The following BMP7 variants were observed in gnomAD, a reference collection of about 807,000 sequenced individuals.
BMP7 encodes the protein bone morphogenetic protein 7.
A neutral mutation model predicts 41.2 loss-of-function variants in BMP7; 12 were observed. The observed-to-expected ratio is 0.29, with a 90% confidence interval of 0.19 to 0.47. The LOEUF (loss-of-function observed/expected upper bound fraction) is 0.47, where lower values mean the gene tolerates loss of function less well. Ranked by LOEUF, BMP7 falls within the 20% of genes least tolerant of loss-of-function variation. The pLI is 0.99. For missense variants in BMP7, 467 were observed against 606.0 expected (o/e 0.77, Z 2.41); for synonymous variants, 248 against 250.0 (o/e 0.99, Z 0.07).
intron 2 of BMP7, among the ~76,000 whole-genome samples, chr20:57,211,245 T>C (rs2123099567): frequency 6.6e-6 from 1 of 152,224 alleles, no homozygotes; most frequent in African/African-American, 2.4e-5. Flanking sequence ...TACCACCTAT[T>C]ACATGGGGAT....
At chr20:57,172,894 T>C in intron 6 of BMP7, 2 of 594,704 alleles carry the variant, frequency 3.4e-6, no homozygotes, top group Non-Finnish European at 6.0e-6. Flanking sequence ...CCAGTGCTCT[T>C]AGGCACCGTA....
chr20:57,196,068 C>T (rs534183248), intron 3 of BMP7, among the ~76,000 whole-genome samples: 1 of 152,136 alleles, frequency 6.6e-6, no homozygotes, highest in Non-Finnish European at 1.5e-5. Context: ...ATTGACATGG[C>T]CCTCCTGAGT....
intron 3 of BMP7, among the ~76,000 whole-genome samples, chr20:57,190,329 G>A (rs968325970): frequency 2.6e-5 from 4 of 151,612 alleles, no homozygotes; most frequent in African/African-American, 7.3e-5. Flanking sequence ...TTGAAGGGGT[G>A]AGGCTGGAGA....
At chr20:57,211,254 A>C (rs978827481) in intron 2 of BMP7, among the ~76,000 whole-genome samples, 20 of 152,142 alleles carry the variant, frequency 1.3e-4, no homozygotes, top group Admixed American at 1.3e-3. Context: ...TTACATGGGG[A>C]TGGGGATTGT....
At chr20:57,202,067 G>A (rs149118685) in intron 3 of BMP7, among the ~76,000 whole-genome samples, 108 of 152,290 alleles carry the variant, frequency 7.1e-4, no homozygotes, top group African/African-American at 2.4e-3. Context: ...GTAAGAGACC[G>A]GGGACGCTGC....
intron 1 of BMP7, among the ~76,000 whole-genome samples, chr20:57,253,904 G>A (rs921043297): frequency 9.9e-5 from 15 of 151,600 alleles, no homozygotes; most frequent in Non-Finnish European, 4.4e-5. Flanking sequence ...CTGTGTAACT[G>A]TCAACTCGAC....
rs899156271 is a variant in BMP7, at chr20:57,256,683, A to G, written c.418+9022T>C. On this transcript the variant is annotated intron_variant, in intron 1 of 6. Transcript: ENST00000395863. ...TCAGGAGTTTGAGGCCAGCCTGGCC[A>G]ACATGGCGAAACCCCATTTCTACTA... Among the ~76,000 whole-genome samples, 10 of 152,356 alleles carry G rather than the reference A, an allele frequency of 6.6e-5. No homozygotes were observed. In the East Asian group the frequency reaches 1.7e-3, roughly 26 times the overall value.
At chr20:57,217,378 A>G (rs1985057866) in intron 2 of BMP7, among the ~76,000 whole-genome samples, 2 of 152,218 alleles carry the variant, frequency 1.3e-5, no homozygotes, top group South Asian at 4.1e-4. Flanking sequence ...AAAGGCTCTT[A>G]TAATCTCATT....
chr20:57,217,834 C>T (rs537656823), intron 2 of BMP7, among the ~76,000 whole-genome samples: 10 of 152,364 alleles, frequency 6.6e-5, no homozygotes, highest in African/African-American at 2.4e-4. Flanking sequence ...ATTATGAAAA[C>T]TGTACCCTAT....
At position 57,228,465 on chromosome 20, in the gene BMP7, G is replaced by T. The variant is rs780963483; in HGVS notation, c.419-44C>A. Reference sequence around the variant, plus strand: ...ACACACCAACACCGACAGCTCATTAGTGTCTGGGTTTCACTCTCTGGCTCT... The same window carrying T: ...ACACACCAACACCGACAGCTCATTATTGTCTGGGTTTCACTCTCTGGCTCT... On this transcript the variant is annotated intron_variant, in intron 1 of 6. Coordinates refer to ENST00000395863, the MANE Select transcript of BMP7 (RefSeq NM_001719.3). This position sits in a 1 kb window ranked among gnomAD's most constrained non-coding sequence, Gnocchi z 4.5. The T allele has an allele frequency of 1.0e-5, 16 of 1,602,670 alleles. No individual in the cohort carries two copies. In the Admixed American group the frequency reaches 1.7e-4, roughly 17 times the overall value.
chr20:57,252,029 A>T (rs6123684), intron 1 of BMP7, among the ~76,000 whole-genome samples: 1 of 152,118 alleles, frequency 6.6e-6, no homozygotes, highest in South Asian at 2.1e-4. Context: ...GGGATCAATA[A>T]ACCCCATGAA....
At chr20:57,178,650 C>T (rs1224804494) in intron 4 of BMP7, among the ~76,000 whole-genome samples, 1 of 152,094 alleles carries the variant, frequency 6.6e-6, no homozygotes, top group Non-Finnish European at 1.5e-5. Context: ...GTGGCAATGC[C>T]CAGGGCCACA....
At chr20:57,250,479 C>A (rs2066107753) in intron 1 of BMP7, among the ~76,000 whole-genome samples, 2 of 141,058 alleles carry the variant, frequency 1.4e-5, no homozygotes, top group East Asian at 2.0e-4. Context: ...TGCAGTGAGC[C>A]AAGATGGTAC....
At chr20:57,244,204 A>C (rs781123604) in intron 1 of BMP7, among the ~76,000 whole-genome samples, 5 of 152,214 alleles carry the variant, frequency 3.3e-5, no homozygotes, top group Non-Finnish European at 5.9e-5. Flanking sequence ...AAGAGCATGA[A>C]TGTCTAACAC....
chr20:57,180,467 ATGT>A (rs1243391527), intron 4 of BMP7, among the ~76,000 whole-genome samples: 2 of 151,982 alleles, frequency 1.3e-5, no homozygotes, highest in African/African-American at 2.4e-5. Context: ...TCGCCACGAA[ATGT>A]TGTCTGCAGC....
rs761532385 is a variant in BMP7, at chr20:57,174,947, C to T, written c.1019G>A (p.Arg340Gln). Residue 340 changes from arginine to glutamine, a missense_variant, in exon 5 of 7, where the codon CGA becomes CAA. Coordinates refer to ENST00000395863, the MANE Select transcript of BMP7 (RefSeq NM_001719.3). The surrounding 1 kb of genome is among the most constrained non-coding windows in gnomAD (Gnocchi z 4.3). ...CKKHELYVSF[R>Q]DLGWQDWIIA... ...GCCCCTTACCTGCCAGCCCAGGTCT[C>T]GGAAGCTGACATACAGCTCGTGCTT... The T allele has an allele frequency of 1.9e-6, 3 of 1,611,798 alleles. No individual in the cohort carries two copies. Among genetic ancestry groups the T allele is most frequent in the Non-Finnish European group, 2.5e-6 (3 of 1,179,828 alleles).
intron 2 of BMP7, among the ~76,000 whole-genome samples, chr20:57,208,598 A>G (rs1984798847): frequency 6.6e-6 from 1 of 152,240 alleles, no homozygotes; most frequent in Admixed American, 6.5e-5. Flanking sequence ...CACAGAAGCA[A>G]TTAAAATACA....
At chr20:57,200,655 G>T (rs1219082914) in intron 3 of BMP7, among the ~76,000 whole-genome samples, 1 of 152,226 alleles carries the variant, frequency 6.6e-6, no homozygotes. Flanking sequence ...AAATTAGCCG[G>T]TGTGGTGGCG....
At position 57,168,815 on chromosome 20, in the gene BMP7, A is replaced by C. The variant is rs758766255; in HGVS notation, c.*2144T>G. 1.3e-5 allele frequency: 2 copies of C among 152,254 alleles called. No individual in the cohort carries two copies. The highest frequency in any genetic ancestry group is 4.8e-5 in the African/African-American group (2 of 41,464). The allele number at this position is 152,254 out of a possible 1,614,324, so 9.4% of individuals were successfully genotyped here. On this transcript the variant is annotated 3_prime_UTR_variant, in exon 7 of 7. Coordinates refer to ENST00000395863, the MANE Select transcript of BMP7 (RefSeq NM_001719.3). ...CCCTTTTCATTTTGTCTATTTATAC[A>C]GAATTTTCACTAAGGACTGCTCGAC...
Sources: allele counts gnomAD v4.1 joint callset (sites outside exome capture counted in the v4.1 genomes callset), GRCh38; gene constraint gnomAD v4.1.1; non-coding constraint Gnocchi (gnomAD v3.1); transcripts MANE v1.5; gene names NCBI Gene and HGNC (gene_info 2026-07-23, HGNC 2026-07-21).